SORBS2: variants seen among roughly 807,000 people sequenced by gnomAD.
SORBS2 encodes the protein sorbin and SH3 domain-containing protein 2.
Under a neutral mutation model 97.7 loss-of-function variants are expected in SORBS2, and 46 were observed. The observed-to-expected ratio is 0.47, with a 90% CI of 0.37 to 0.60. The LOEUF (loss-of-function observed/expected upper bound fraction) is 0.60, where lower values mean the gene tolerates loss of function less well. Ranked by LOEUF, SORBS2 falls within the 20% of genes least tolerant of loss-of-function variation. The probability of loss-of-function intolerance (pLI) is 0.00; values close to 1 mark genes in which losing one functional copy is unlikely to be tolerated. For missense variants in SORBS2, 1,316 were observed against 1,282.3 expected (o/e 1.03, Z -0.40); for synonymous variants, 476 against 473.4 (o/e 1.01, Z -0.07).
chr4:185,649,319 G>A, intron 3 of SORBS2, 148 bp downstream of exon 12: 1 of 577,690 alleles, frequency 1.7e-6, no homozygotes, highest in Admixed American at 4.1e-5. Context: ...AATCCCAGCA[G>A]AGGAGGTCAA....
Position 185,607,461 on chromosome 4 carries a change from G to A in SORBS2, c.2796+4319C>T. 4.5e-6 allele frequency: 2 copies of A among 448,568 alleles called. No homozygotes were observed. The highest frequency in any genetic ancestry group is 7.5e-6 in the Non-Finnish European group (2 of 265,356). The allele number at this position is 448,568 out of a possible 1,614,324, so 27.8% of individuals were successfully genotyped here. A position where few individuals can be genotyped will look rare whatever the true frequency, so the allele number is the denominator to read the frequency against. On this transcript the variant is annotated intron_variant, in intron 12 of 14. Coordinates refer to ENST00000418609, the Ensembl canonical transcript of SORBS2. The surrounding 1 kb of genome is among the most constrained non-coding windows in gnomAD (Gnocchi z 5.2). ...GCAGAAAAGATGCGGTGGTGAATAT[G>A]AAAATAATTTTATGTTTAACATAGA...
At chr4:185,642,408 T>G (rs986098016) in intron 4 of SORBS2, among the ~76,000 whole-genome samples, 1 of 152,190 alleles carries the variant, frequency 6.6e-6, no homozygotes, top group Admixed American at 6.5e-5. Context: ...TTATTAATTT[T>G]TTTTTTTAAA....
At chr4:185,632,303 C>T (rs977128527) in intron 4 of SORBS2, among the ~76,000 whole-genome samples, 6 of 152,132 alleles carry the variant, frequency 3.9e-5, no homozygotes, top group African/African-American at 1.4e-4. Flanking sequence ...ATATTCCCAT[C>T]CTCCTTTTAG....
chr4:185,784,257 G>A (rs757458067), intron 1 of SORBS2, among the ~76,000 whole-genome samples: 113 of 151,994 alleles, frequency 7.4e-4, no homozygotes, highest in Non-Finnish European at 1.4e-3. Flanking sequence ...TCAGCCTCCC[G>A]AGTAGCTGGG....
chr4:185,845,718 C>T (rs1428961062), intron 1 of SORBS2, among the ~76,000 whole-genome samples: 1 of 151,642 alleles, frequency 6.6e-6, no homozygotes, highest in Non-Finnish European at 1.5e-5. Context: ...AACAAACAAC[C>T]CAATTTAAAA....
chr4:185,906,736 C>T (rs1255056448), intron 1 of SORBS2, among the ~76,000 whole-genome samples: 1 of 152,190 alleles, frequency 6.6e-6, no homozygotes, highest in East Asian at 1.9e-4. Context: ...GGTATTCTAT[C>T]TATACGAAAA....
At chr4:185,952,059 T>TC (rs112036999) in intron 1 of SORBS2, among the ~76,000 whole-genome samples, 26,099 of 151,156 alleles carry the variant, frequency 0.17, 2,539 homozygotes, top group Middle Eastern at 0.24. Flanking sequence ...AGAGTCTCAC[T>TC]CTGTCGCCAG....
chr4:185,908,730 T>A (rs56306407), intron 1 of SORBS2, among the ~76,000 whole-genome samples: 19,158 of 151,832 alleles, frequency 0.13, 1,546 homozygotes, highest in Non-Finnish European at 0.18. Flanking sequence ...AGCAAAGGAG[T>A]TCATCTCAGG....
At chr4:185,663,144 C>T (rs927744087) in intron 4 of SORBS2, among the ~76,000 whole-genome samples, 10 of 152,280 alleles carry the variant, frequency 6.6e-5, no homozygotes, top group African/African-American at 2.2e-4. Context: ...ACAGGGCGCA[C>T]ACAATGCATG....
chr4:185,876,268 T>C (rs1212612094), intron 1 of SORBS2, among the ~76,000 whole-genome samples: 2 of 152,112 alleles, frequency 1.3e-5, no homozygotes, highest in Non-Finnish European at 2.9e-5. Flanking sequence ...CCACCTCACC[T>C]GGCTAATTTT....
At chr4:185,921,070 G>A (rs1181054908) in intron 1 of SORBS2, among the ~76,000 whole-genome samples, 3 of 152,190 alleles carry the variant, frequency 2.0e-5, no homozygotes. Flanking sequence ...TGTCAATTAC[G>A]AGGCTGGCTT....
At chr4:185,903,260 G>A (rs981893886) in intron 1 of SORBS2, among the ~76,000 whole-genome samples, 1 of 152,152 alleles carries the variant, frequency 6.6e-6, no homozygotes, top group African/African-American at 2.4e-5. Flanking sequence ...ATGGCTAATT[G>A]AGAAAAATCT....
At chr4:185,614,877 T>C in exon 11 of SORBS2, 1 of 1,614,202 alleles carries the variant, frequency 6.2e-7, no homozygotes, top group Middle Eastern at 1.6e-4. Flanking sequence ...GAAGTTGTAT[T>C]TGGCTATAGC....
rs1442139741 is a variant in SORBS2, at chr4:185,684,688, A to G, written c.-197-5866T>C. The G allele has an allele frequency of 8.6e-7, 1 of 1,162,430 alleles. No individual in the cohort carries two copies. The allele number at this position is 1,162,430 out of a possible 1,614,324, so 72.0% of individuals were successfully genotyped here. A position where few individuals can be genotyped will look rare whatever the true frequency, so the allele number is the denominator to read the frequency against. ...TTTTCCTTTGCTTTTTACGTTTAGAACAAAAACAGTCAGAAGAGCTAGAAG... is the reference window on the plus strand; with the variant it reads ...TTTTCCTTTGCTTTTTACGTTTAGAGCAAAAACAGTCAGAAGAGCTAGAAG... On this transcript the variant is annotated intron_variant, in intron 2 of 20. Transcript: ENST00000284776. The surrounding 1 kb of genome is among the most constrained non-coding windows in gnomAD (Gnocchi z 4.2).
chr4:185,838,339 C>G (rs561739621), intron 1 of SORBS2, among the ~76,000 whole-genome samples: 496 of 152,352 alleles, frequency 3.3e-3, no homozygotes, highest in African/African-American at 0.012. Context: ...GCCTCTAGCT[C>G]CCCTGGGGGC....
At chr4:185,594,159 A>G (rs962924983) in intron 12 of SORBS2, among the ~76,000 whole-genome samples, 7 of 152,226 alleles carry the variant, frequency 4.6e-5, no homozygotes, top group African/African-American at 1.7e-4. Context: ...TGTTTTGAAC[A>G]TGTCTACAAT....
chr4:185,748,742 G>A (rs1032214979), intron 2 of SORBS2, among the ~76,000 whole-genome samples: 22 of 152,350 alleles, frequency 1.4e-4, no homozygotes, highest in African/African-American at 5.1e-4. Context: ...AGTTTGGATA[G>A]TTCAAGTAGT....
chr4:185,659,773 A>G (rs768373458), upstream of SORBS2, among the ~76,000 whole-genome samples: 2 of 152,098 alleles, frequency 1.3e-5, no homozygotes. Context: ...TTGACTTTCT[A>G]TTTAATTCCA....
chr4:185,942,227 GAAGA>G (rs1423194711), intron 1 of SORBS2, among the ~76,000 whole-genome samples: 8 of 152,180 alleles, frequency 5.3e-5, no homozygotes, highest in Non-Finnish European at 1.2e-4. Flanking sequence ...ATGCTTCTGG[GAAGA>G]AAGAATTTGT....
Sources: allele counts gnomAD v4.1 joint callset (sites outside exome capture counted in the v4.1 genomes callset), GRCh38; gene constraint gnomAD v4.1.1; non-coding constraint Gnocchi (gnomAD v3.1); transcripts MANE v1.5; gene names NCBI Gene and HGNC (gene_info 2026-07-23, HGNC 2026-07-21).